Variants in WNT5B observed in about 807,000 individuals in gnomAD.
WNT5B encodes the protein Wnt family member 5B, also known as protein Wnt-5b.
WNT5B carries 18 observed loss-of-function variants against 36.5 expected under a neutral mutation model. The ratio of observed to expected loss-of-function variants is 0.49; its 90% CI spans 0.34 to 0.73. The LOEUF (loss-of-function observed/expected upper bound fraction) is 0.73. Among genes scored for constraint, WNT5B ranks in the 30% least tolerant of loss-of-function variants. The pLI, the probability that WNT5B is intolerant of heterozygous loss-of-function variation, is 0.01. For missense variants in WNT5B, 424 were observed against 508.4 expected, an observed-to-expected ratio of 0.83 and a Z score of 1.60; for synonymous variants, 213 against 212.3, an observed-to-expected ratio of 1.00 and a Z score of -0.03.
chr12:1,625,126 T>G (rs2094539339), upstream of WNT5B, among the ~76,000 whole-genome samples: 1 of 152,046 alleles, frequency 6.6e-6, no homozygotes, highest in African/African-American at 2.4e-5. Flanking sequence ...AGACTTCATG[T>G]TGGGAAATTC....
chr12:1,643,769 C>CTATA (rs35447664), intron 4 of WNT5B, among the ~76,000 whole-genome samples: 4 of 138,866 alleles, frequency 2.9e-5, no homozygotes, highest in Admixed American at 7.4e-5. Flanking sequence ...CAAAAGGAGC[C>CTATA]TATATATATA....
At chr12:1,628,148 C>G (rs953465288), upstream of WNT5B, among the ~76,000 whole-genome samples, 32 of 145,620 alleles carry the variant, frequency 2.2e-4, no homozygotes, top group African/African-American at 8.7e-4. Context: ...AGAATAGAGA[C>G]CCTGACTCCC....
At position 1,645,782 on chromosome 12, in the gene WNT5B, C is replaced by A; in HGVS notation, c.622-12C>A. ...GATCCTCCTTCTTACTGCCTTCTTTCTCTTCCCCTAGGCTGTGTATAAGAT... is the reference window on the plus strand; with the variant it reads ...GATCCTCCTTCTTACTGCCTTCTTTATCTTCCCCTAGGCTGTGTATAAGAT... On this transcript the variant is annotated splice_polypyrimidine_tract_variant and intron_variant, in intron 4 of 4. Transcript: ENST00000397196. 1 of 1,547,606 alleles carries A rather than the reference C, an allele frequency of 6.5e-7. No homozygotes were observed. Among genetic ancestry groups the A allele is most frequent in the Non-Finnish European group, 8.7e-7 (1 of 1,144,978 alleles).
intron 1 of WNT5B, among the ~76,000 whole-genome samples, chr12:1,620,848 CAT>C (rs2094532882): frequency 1.1e-4 from 16 of 151,432 alleles, no homozygotes; most frequent in African/African-American, 3.9e-4. Context: ...GGACTACAGG[CAT>C]GCGCCACCAC....
intron 1 of WNT5B, among the ~76,000 whole-genome samples, chr12:1,623,491 G>A (rs566443370): frequency 1.5e-3 from 235 of 152,194 alleles, no homozygotes; most frequent in African/African-American, 4.9e-3. Flanking sequence ...CACCGCGCCC[G>A]GCCTCTTTGA....
intron 1 of WNT5B, among the ~76,000 whole-genome samples, chr12:1,617,888 C>T (rs1041111579): frequency 1.3e-5 from 2 of 152,068 alleles, no homozygotes; most frequent in Non-Finnish European, 2.9e-5. Flanking sequence ...CTTGTAATCG[C>T]AGCACTTTGG....
At chr12:1,637,466 G>A (rs937966518) in intron 3 of WNT5B, among the ~76,000 whole-genome samples, 6 of 152,024 alleles carry the variant, frequency 3.9e-5, no homozygotes, top group Admixed American at 1.3e-4. Context: ...GGCCGGGCGC[G>A]GTGGCTCACG....
chr12:1,636,760 G>A (rs2094562571), intron 3 of WNT5B, among the ~76,000 whole-genome samples: 1 of 151,832 alleles, frequency 6.6e-6, no homozygotes, highest in Admixed American at 6.6e-5. Flanking sequence ...TTGTTGCCCA[G>A]GCTGGAATGC....
Position 1,630,245 on chromosome 12 carries a change from G to T in WNT5B, c.-58+874G>T. 1.0e-6 allele frequency: 1 copy of T among 985,282 alleles called. No individual in the cohort carries two copies. Among genetic ancestry groups the T allele is most frequent in the Non-Finnish European group, 1.2e-6 (1 of 829,836 alleles). 61.0% of individuals were successfully genotyped at this position (985,282 alleles called of 1,614,324 possible). A position where few individuals can be genotyped will look rare whatever the true frequency, so the allele number is the denominator to read the frequency against. On this transcript the variant is annotated intron_variant, in intron 1 of 4. Coordinates refer to ENST00000397196, the MANE Select transcript of WNT5B (RefSeq NM_032642.3). This position sits in a 1 kb window ranked among gnomAD's most constrained non-coding sequence, Gnocchi z 5.3. ...TCGTCAGGTCCGGGGCCCCGGGGAG[G>T]CCGCTGGGGGCGCGGGTCACGCCCA...
Position 1,633,165 on chromosome 12 carries a change from G to C in WNT5B, c.328+260G>C, listed in dbSNP as rs1448325604. Among the ~76,000 whole-genome samples the C allele has an allele frequency of 6.6e-6, 1 of 152,020 alleles. No homozygotes were observed. On this transcript the variant is annotated intron_variant, in intron 3 of 4. Transcript: ENST00000397196. This position sits in a 1 kb window ranked among gnomAD's most constrained non-coding sequence, Gnocchi z 4.8. ...GGGCAGGTTGCTTGGGACTCACTGA[G>C]AGGGGGCAGGTTGCTTGGGACTCAC... is the stretch of plus-strand genomic sequence containing the variant.
chr12:1,646,930 A>G lies in WNT5B; in HGVS notation c.*678A>G, dbSNP rs2094586762. The G allele has an allele frequency of 6.6e-6, 1 of 152,152 alleles. No homozygotes were observed. Among genetic ancestry groups the G allele is most frequent in the Non-Finnish European group, 1.5e-5 (1 of 68,074 alleles). 9.4% of individuals were successfully genotyped at this position (152,152 alleles called of 1,614,324 possible). ...CCACGGTTCACTAGCTCCTACCTGA[A>G]GAGGAAAGGGGGCCATTTGACCTGA... On this transcript the variant is annotated 3_prime_UTR_variant, in exon 5 of 5. Coordinates refer to ENST00000397196, the MANE Select transcript of WNT5B (RefSeq NM_032642.3).
rs1211777327 is a variant in WNT5B at position 1,644,286 on chromosome 12, G to C, written c.622-1508G>C. 5.3e-5 allele frequency among the ~76,000 whole-genome samples: 8 copies of C among 152,142 alleles called. No homozygotes were observed. The highest frequency in any genetic ancestry group is 1.9e-4 in the African/African-American group (8 of 41,438). On this transcript the variant is annotated intron_variant, in intron 4 of 4. Transcript: ENST00000397196. The surrounding 1 kb of genome is among the most constrained non-coding windows in gnomAD (Gnocchi z 5.1). ...ACCTGGAGCTGCCCGGCTAAGTGCTGGTGCCTTTAACCTTGGGGAGAGCCT... is the reference window on the plus strand; with the variant it reads ...ACCTGGAGCTGCCCGGCTAAGTGCTCGTGCCTTTAACCTTGGGGAGAGCCT...
chr12:1,622,324 G>A (rs2094535140), intron 1 of WNT5B, among the ~76,000 whole-genome samples: 1 of 152,046 alleles, frequency 6.6e-6, no homozygotes, highest in Non-Finnish European at 1.5e-5. Flanking sequence ...GTACTTTTCT[G>A]GGCAGGTTTT....
rs915155972 is a variant in WNT5B at position 1,644,648 on chromosome 12, T to C, written c.622-1146T>C. On this transcript the variant is annotated intron_variant, in intron 4 of 4. Coordinates refer to ENST00000397196, the MANE Select transcript of WNT5B (RefSeq NM_032642.3). This position sits in a 1 kb window ranked among gnomAD's most constrained non-coding sequence, Gnocchi z 5.1. ...CTGACTCAGTTGGTGACAATAGCCA[T>C]GCATAAGAAAATGCTCTGCAGCCGG... The C allele has an allele frequency of 2.0e-5, 3 of 152,188 alleles. No homozygotes were observed. Among genetic ancestry groups the C allele is most frequent in the East Asian group, 1.9e-4 (1 of 5,202 alleles). The allele number at this position is 152,188 out of a possible 1,614,324, so 9.4% of individuals were successfully genotyped here. A position where few individuals can be genotyped will look rare whatever the true frequency, so the allele number is the denominator to read the frequency against.
intron 4 of WNT5B, 143 bp from the exon 5 acceptor site, chr12:1,645,651 A>G: frequency 1.3e-6 from 1 of 750,140 alleles, no homozygotes. Flanking sequence ...CATCTTGGAA[A>G]GATCTTTGCA....
chr12:1,628,300 C>A (rs1021200365), upstream of WNT5B, among the ~76,000 whole-genome samples: 2 of 152,126 alleles, frequency 1.3e-5, no homozygotes, highest in Non-Finnish European at 2.9e-5. Context: ...CGACTGCAGG[C>A]ATGTGCCACC....
Position 1,643,440 on chromosome 12 carries a change from CTG to C in WNT5B, c.622-2353_622-2352del, listed in dbSNP as rs1448193353. ...AGTGCAATGGCGCGATCTCGGCTCACTGCAAACCTCTGCTTCCCAGGTTCAAG... is the reference window on the plus strand; with the variant it reads ...AGTGCAATGGCGCGATCTCGGCTCACCAAACCTCTGCTTCCCAGGTTCAAG... On this transcript the variant is annotated intron_variant, in intron 4 of 4. Coordinates refer to ENST00000397196, the MANE Select transcript of WNT5B (RefSeq NM_032642.3). 2.0e-5 allele frequency among the ~76,000 whole-genome samples: 3 copies of C among 151,912 alleles called. No individual in the cohort carries two copies. The East Asian group carries it at 5.8e-4, about 29-fold the overall frequency.
intron 3 of WNT5B, among the ~76,000 whole-genome samples, chr12:1,637,712 T>C (rs573989787): frequency 2.0e-5 from 3 of 151,362 alleles, no homozygotes; most frequent in Non-Finnish European, 4.4e-5. Context: ...ATCGTGCCAC[T>C]GCACTCTGGC....
chr12:1,623,550 A>G (rs2094537272), intron 1 of WNT5B, among the ~76,000 whole-genome samples: 1 of 152,086 alleles, frequency 6.6e-6, no homozygotes, highest in South Asian at 2.1e-4. Context: ...CTTTGAACAG[A>G]GCTCCTCGAT....
Sources: gnomAD v4.1 joint callset for allele counts (sites outside exome capture counted in the v4.1 genomes callset) on GRCh38, gnomAD v4.1.1 for gene constraint, Gnocchi (gnomAD v3.1) non-coding constraint, MANE v1.5 for transcripts, NCBI Gene and HGNC (gene_info 2026-07-23, HGNC 2026-07-21) for gene names.